HMCN2: variants seen among roughly 807,000 people sequenced by gnomAD.
HMCN2 encodes the protein hemicentin-2.
HMCN2 carries 325 observed loss-of-function variants against 377.5 expected under a neutral mutation model. The observed-to-expected ratio is 0.86, with a 90% confidence interval of 0.79 to 0.94. The LOEUF (loss-of-function observed/expected upper bound fraction) is 0.94. Ranked by LOEUF, HMCN2 falls within the 40% of genes least tolerant of loss-of-function variation. HMCN2 has a pLI of 0.00. For synonymous variants in HMCN2, 2,007 were observed against 2,046.8 expected, an observed-to-expected ratio of 0.98 and a Z score of 0.53; for missense variants, 4,543 against 4,725.3, an observed-to-expected ratio of 0.96 and a Z score of 1.13.
intron 24 of HMCN2, among the ~76,000 whole-genome samples, chr9:130,341,735 G>A (rs1001974787): frequency 6.6e-5 from 10 of 152,140 alleles, no homozygotes; most frequent in African/African-American, 2.2e-4. Context: ...CCATAGGCCA[G>A]TCACCTACAC....
At chr9:130,266,934 G>A (rs1834135717) in intron 1 of HMCN2, among the ~76,000 whole-genome samples, 1 of 147,182 alleles carries the variant, frequency 6.8e-6, no homozygotes, top group Non-Finnish European at 1.5e-5. Flanking sequence ...GCGAGGAGCA[G>A]GACTGCTTTC....
chr9:130,428,260 G>C lies in HMCN2; in HGVS notation c.14066-98G>C. ...CTTCCTGCCAGTGGCTCCTGGGCCTGCGGACGAAGCCTCTGTGGATAGGCC... is the reference window on the plus strand; with the variant it reads ...CTTCCTGCCAGTGGCTCCTGGGCCTCCGGACGAAGCCTCTGTGGATAGGCC... On this transcript the variant is annotated intron_variant, in intron 92 of 97. Transcript: ENST00000683500. This position sits in a 1 kb window ranked among gnomAD's most constrained non-coding sequence, Gnocchi z 5.0. 1 of 1,384,626 alleles carries C rather than the reference G, an allele frequency of 7.2e-7. No individual in the cohort carries two copies. The allele number at this position is 1,384,626 out of a possible 1,614,324, so 85.8% of individuals were successfully genotyped here.
At chr9:130,354,733 T>C (rs1839927947) in intron 31 of HMCN2, 30 bp from the exon 32 acceptor site, 2 of 1,267,052 alleles carry the variant, frequency 1.6e-6, no homozygotes, top group African/African-American at 3.1e-5. Context: ...CCAGCTGTGG[T>C]CCCCAAGCCG....
At chr9:130,390,220 C>T (rs549504480) in intron 62 of HMCN2, among the ~76,000 whole-genome samples, 9 of 152,340 alleles carry the variant, frequency 5.9e-5, no homozygotes, top group Admixed American at 1.3e-4. Flanking sequence ...CACGTCTCAG[C>T]GGAGATTCAC....
At chr9:130,327,855 C>T (rs1318719054) in intron 22 of HMCN2, among the ~76,000 whole-genome samples, 1 of 152,214 alleles carries the variant, frequency 6.6e-6, no homozygotes, top group Non-Finnish European at 1.5e-5. Flanking sequence ...CCCGCCACGA[C>T]ACACACCACC....
intron 59 of HMCN2, among the ~76,000 whole-genome samples, chr9:130,385,007 TG>T (rs1268502618): frequency 6.6e-6 from 1 of 152,008 alleles, no homozygotes; most frequent in African/African-American, 2.4e-5. Flanking sequence ...CCTTGTGTGG[TG>T]GGGGAAGCCT....
In HMCN2 at chr9:130,425,824, G is replaced by T; in HGVS notation, c.13779G>T (p.Gln4593His). ...AGTACAACGCGGCCCGGGGCCCCCAGCCCCAGCTGGTGCAGCACCTGCGGG... is the reference window on the plus strand; with the variant it reads ...AGTACAACGCGGCCCGGGGCCCCCATCCCCAGCTGGTGCAGCACCTGCGGG... ...SIQYNAARGP[Q>H]PQLVQHLRAS... The change falls in exon 90 of 98, where the codon CAG (glutamine) becomes CAT (histidine). Residue 4593 changes from glutamine to histidine, a missense_variant. Around this residue, in one of 5 missense-constraint regions of HMCN2, gnomAD observed 1,155 missense variants for 1,157.7 expected, o/e 1.00. Coordinates refer to ENST00000683500, the MANE Select transcript of HMCN2 (RefSeq NM_001291815.2). 6.4e-7 allele frequency: 1 copy of T among 1,550,488 alleles called. No homozygotes were observed. Among genetic ancestry groups the T allele is most frequent in the Non-Finnish European group, 8.7e-7 (1 of 1,146,972 alleles).
chr9:130,408,443 C>T (rs1241254766), intron 83 of HMCN2, among the ~76,000 whole-genome samples: 2 of 152,216 alleles, frequency 1.3e-5, no homozygotes, highest in Non-Finnish European at 2.9e-5. Flanking sequence ...ACGCGTAACA[C>T]TGCCTTCCTG....
rs1447467695 is a variant in HMCN2, at chr9:130,428,366, G to A, written c.14074G>A (p.Glu4692Lys). The change falls in exon 93 of 98, where the codon GAG becomes AAG. Residue 4692 changes from glutamate (E) to lysine (K), a missense_variant. This residue lies in a region of HMCN2 where 1,155 missense variants were observed against 1,157.7 expected (regional missense o/e 1.00). Coordinates refer to ENST00000683500, the MANE Select transcript of HMCN2 (RefSeq NM_001291815.2). This position sits in a 1 kb window ranked among gnomAD's most constrained non-coding sequence, Gnocchi z 5.0. The part of the protein sequence containing the change: ...WDDRNCRDVD[E>K]CAWDAHLCRE... ...CCCTGATCTGCCCCCAGATGTGGAC[G>A]AGTGTGCGTGGGATGCTCACCTCTG... The A allele has an allele frequency of 1.1e-5, 17 of 1,546,922 alleles. No individual in the cohort carries two copies. Among genetic ancestry groups the A allele is most frequent in the Non-Finnish European group, 1.4e-5 (16 of 1,146,194 alleles).
intron 85 of HMCN2, among the ~76,000 whole-genome samples, chr9:130,413,982 C>A (rs965161816): frequency 1.9e-4 from 17 of 89,174 alleles, no homozygotes; most frequent in African/African-American, 8.3e-4. Flanking sequence ...CCCATCTCTA[C>A]CAAAAATACA....
Position 130,348,600 on chromosome 9 carries a change from G to A in HMCN2, c.4080G>A (p.Gly1360=). ...GRKANVSGMA[G]QSLTLECDAN... is the part of the protein sequence containing the mutation. ...AGGCCAACGTGTCGGGTATGGCCGG[G>A]CAGTCCCTGACGCTGGAGTGTGACG... Residue 1360 remains glycine (G), a synonymous_variant, in exon 27 of 98, where the codon GGG becomes GGA. Transcript: ENST00000683500. 3 of 1,304,280 alleles carry A rather than the reference G, an allele frequency of 2.3e-6. No individual in the cohort carries two copies. Among genetic ancestry groups the A allele is most frequent in the Middle Eastern group, 2.1e-4 (1 of 4,698 alleles). The allele number at this position is 1,304,280 out of a possible 1,614,324, so 80.8% of individuals were successfully genotyped here.
intron 25 of HMCN2, among the ~76,000 whole-genome samples, chr9:130,343,537 C>T (rs1457036646): frequency 1.3e-5 from 2 of 152,212 alleles, no homozygotes; most frequent in African/African-American, 4.8e-5. Flanking sequence ...CCCCCCGACC[C>T]TCCCCGACCC....
At chr9:130,387,352 C>T (rs1842078006) in intron 61 of HMCN2, among the ~76,000 whole-genome samples, 1 of 150,692 alleles carries the variant, frequency 6.6e-6, no homozygotes, top group Admixed American at 6.8e-5. Flanking sequence ...GGTGTCTAGG[C>T]TGGTGGGTAG....
chr9:130,352,800 T>A, intron 30 of HMCN2, 127 bp from the exon 31 acceptor site: 1 of 742,584 alleles, frequency 1.3e-6, no homozygotes, highest in Non-Finnish European at 1.9e-6. Flanking sequence ...CCACCATGCC[T>A]TCCCTGCCCC....
At position 130,303,272 on chromosome 9, in the gene HMCN2, A is replaced by T. The variant is rs1836620525; in HGVS notation, c.1422-215A>T. On this transcript the variant is annotated intron_variant, in intron 9 of 97. Coordinates refer to ENST00000683500, the MANE Select transcript of HMCN2 (RefSeq NM_001291815.2). This position sits in a 1 kb window ranked among gnomAD's most constrained non-coding sequence, Gnocchi z 5.2. Reference sequence around the variant, plus strand: ...CAACCCATGTGTCAGGGCAGGAAGGATGGGAGCCCAGGACTCAGAGAGAGG... The same window carrying T: ...CAACCCATGTGTCAGGGCAGGAAGGTTGGGAGCCCAGGACTCAGAGAGAGG... 6.6e-6 allele frequency among the ~76,000 whole-genome samples: 1 copy of T among 152,176 alleles called. No individual in the cohort carries two copies. Among genetic ancestry groups the T allele is most frequent in the African/African-American group, 2.4e-5 (1 of 41,454 alleles).
At position 130,349,568 on chromosome 9, in the gene HMCN2, T is replaced by C. The variant is rs1410466232; in HGVS notation, c.4335T>C (p.Ala1445=). ...TPPSVLGAGA[A]QEVLGLAGAD... is the part of the protein sequence containing the mutation. ...CTTCCGTGCTTGGAGCCGGGGCCGC[T>C]CAGGAGGTGCTAGGATTGGCCGGTG... Residue 1445 remains alanine, a synonymous_variant, in exon 29 of 98, where the codon GCT becomes GCC. Coordinates refer to ENST00000683500, the MANE Select transcript of HMCN2 (RefSeq NM_001291815.2). 2 of 1,303,514 alleles carry C rather than the reference T, an allele frequency of 1.5e-6. No homozygotes were observed. Among genetic ancestry groups the C allele is most frequent in the Non-Finnish European group, 2.0e-6 (2 of 988,824 alleles). 80.7% of individuals were successfully genotyped at this position (1,303,514 alleles called of 1,614,324 possible). A position where few individuals can be genotyped will look rare whatever the true frequency, so the allele number is the denominator to read the frequency against.
chr9:130,419,093 C>A (rs552982582), intron 86 of HMCN2, 52 bp downstream of exon 86: 2 of 1,438,638 alleles, frequency 1.4e-6, no homozygotes, highest in South Asian at 1.5e-5. Flanking sequence ...GATCTCTTGC[C>A]GATGGGGATT....
intron 85 of HMCN2, among the ~76,000 whole-genome samples, chr9:130,412,693 C>T (rs1352932775): frequency 6.6e-6 from 1 of 151,918 alleles, no homozygotes; most frequent in Non-Finnish European, 1.5e-5. Flanking sequence ...CCTTGTGCCT[C>T]AGCCTCCCAA....
intron 62 of HMCN2, among the ~76,000 whole-genome samples, chr9:130,389,446 T>C (rs1283949767): frequency 3.3e-5 from 5 of 152,228 alleles, no homozygotes; most frequent in African/African-American, 1.2e-4. Flanking sequence ...GCTTTCTGTC[T>C]CTGTGGATTG....
Sources: allele counts gnomAD v4.1 joint callset (sites outside exome capture counted in the v4.1 genomes callset), GRCh38; gene constraint gnomAD v4.1.1; regional missense constraint gnomAD v4.1.1; non-coding constraint Gnocchi (gnomAD v3.1); transcripts MANE v1.5; gene names NCBI Gene and HGNC (gene_info 2026-07-23, HGNC 2026-07-21).